The following MAML3 variants were observed in gnomAD, a reference collection of about 807,000 sequenced individuals.
MAML3 encodes mastermind-like protein 3.
A neutral mutation model predicts 101.9 loss-of-function variants in MAML3; 27 were observed. The observed-to-expected ratio is 0.27, with a 90% confidence interval of 0.20 to 0.37. The LOEUF (loss-of-function observed/expected upper bound fraction) is 0.37. Ranked by LOEUF, MAML3 falls within the 10% of genes least tolerant of loss-of-function variation. The pLI is 1.00. For missense variants in MAML3, 1,316 were observed against 1,444.9 expected, an observed-to-expected ratio of 0.91 and a Z score of 1.45; for synonymous variants, 501 against 555.9, an observed-to-expected ratio of 0.90 and a Z score of 1.39.
rs1302047765 is a variant in MAML3 at position 140,152,798 on chromosome 4, G to GCC, written c.468+60_468+61dup. 78 of 1,555,708 alleles carry GCC rather than the reference G, an allele frequency of 5.0e-5. 1 individual carries two copies. In the African/African-American group the frequency reaches 8.0e-4, roughly 16 times the overall value. On this transcript the variant is annotated intron_variant, in intron 1 of 4. Transcript: ENST00000509479. ...TACCCCCATGTAAGAAGCTCCACGCGCCCCCCACCACCACCACCACCCCCA... is the reference window on the plus strand; with the variant it reads ...TACCCCCATGTAAGAAGCTCCACGCGCCCCCCCCACCACCACCACCACCCCCA...
chr4:140,017,882 T>C (rs879854313), intron 1 of MAML3, among the ~76,000 whole-genome samples: 2 of 151,980 alleles, frequency 1.3e-5, no homozygotes, highest in African/African-American at 2.4e-5. Context: ...CCCTGGTTGA[T>C]AGACTGTATT....
rs10568513 is a variant in MAML3, at chr4:139,781,508, C to CATATATAT, written c.2080-50849_2080-50842dup. ...TCTTCTAATGATCGCAGAGCATTTT[C>CATATATAT]ATATATATATATATATATATATAGT... On this transcript the variant is annotated intron_variant, in intron 2 of 4. Transcript: ENST00000509479. 2.1e-4 allele frequency among the ~76,000 whole-genome samples: 29 copies of CATATATAT among 137,076 alleles called. 1 individual carries two copies. Among genetic ancestry groups the CATATATAT allele is most frequent in the South Asian group, 1.2e-3 (5 of 4,190 alleles). 89.9% of individuals were successfully genotyped at this position (137,076 alleles called of 152,430 possible).
At position 139,726,071 on chromosome 4, in the gene MAML3, A is replaced by G. The variant is rs138115111; in HGVS notation, c.2332-236T>C. 5.5e-3 allele frequency among the ~76,000 whole-genome samples: 837 copies of G among 152,310 alleles called. 4 individuals are homozygous for G. The highest frequency in any genetic ancestry group is 0.017 in the Middle Eastern group (5 of 294). On this transcript the variant is annotated intron_variant, in intron 3 of 4. Transcript: ENST00000509479. Reference sequence around the variant, plus strand: ...CATCAAGAAACAGAACGCTGCCAGGAGCCCCTCGTGCCCCTTCCAGTCATC... The same window carrying G: ...CATCAAGAAACAGAACGCTGCCAGGGGCCCCTCGTGCCCCTTCCAGTCATC...
At chr4:140,062,045 A>T (rs1275966307) in intron 1 of MAML3, among the ~76,000 whole-genome samples, 2 of 152,352 alleles carry the variant, frequency 1.3e-5, no homozygotes, top group Middle Eastern at 3.4e-3. Flanking sequence ...AAGTAGGAAC[A>T]GATACCTCCC....
At chr4:140,150,189 T>C (rs1436759188) in intron 1 of MAML3, among the ~76,000 whole-genome samples, 2 of 152,198 alleles carry the variant, frequency 1.3e-5, no homozygotes, top group East Asian at 3.8e-4. Context: ...TTCAAGTCTA[T>C]TTGTTGCTAA....
At chr4:139,960,000 G>A (rs1733983216) in intron 1 of MAML3, among the ~76,000 whole-genome samples, 1 of 152,158 alleles carries the variant, frequency 6.6e-6, no homozygotes, top group Admixed American at 6.5e-5. Flanking sequence ...GAAAAGCAGA[G>A]ACTATCATTT....
intron 2 of MAML3, among the ~76,000 whole-genome samples, chr4:139,786,492 T>C (rs949940197): frequency 2.6e-5 from 4 of 152,182 alleles, no homozygotes; most frequent in Admixed American, 6.5e-5. Flanking sequence ...TTGGGTTGTT[T>C]TCTGTTGGCT....
intron 1 of MAML3, among the ~76,000 whole-genome samples, chr4:140,077,574 G>C (rs1727791557): frequency 6.6e-6 from 1 of 152,206 alleles, no homozygotes. Flanking sequence ...TATCCTCAAA[G>C]TGGGGCTGAT....
At chr4:140,050,928 TATG>T (rs1475616705) in intron 1 of MAML3, among the ~76,000 whole-genome samples, 2 of 152,172 alleles carry the variant, frequency 1.3e-5, no homozygotes. Flanking sequence ...CAGGGAAAAA[TATG>T]ATATGAAGCA....
chr4:140,004,845 G>GT lies in MAML3; in HGVS notation c.469-113879dup, dbSNP rs938034148. Among the ~76,000 whole-genome samples, 1,246 of 148,572 alleles carry GT rather than the reference G, an allele frequency of 8.4e-3. 6 individuals are homozygous for GT. The highest frequency in any genetic ancestry group is 0.021 in the Middle Eastern group (6 of 288). On this transcript the variant is annotated intron_variant, in intron 1 of 4. Coordinates refer to ENST00000509479, the MANE Select transcript of MAML3 (RefSeq NM_018717.5). ...AAAGGAGGGCTACCGTTTTCCTTAG[G>GT]TTTTTTTTTTAACATAAGAAATAAC...
In MAML3 at chr4:139,903,941, C is replaced by T. The variant is rs1432234823; in HGVS notation, c.469-12974G>A. 3.3e-5 allele frequency among the ~76,000 whole-genome samples: 5 copies of T among 152,232 alleles called. No individual in the cohort carries two copies. In the East Asian group the frequency reaches 9.7e-4, roughly 29 times the overall value. ...AGGCAAAAGGGAACACTGTGTCCTC[C>T]CATGGTGAAAACACAGAAGAGCAAA... On this transcript the variant is annotated intron_variant, in intron 1 of 4. Coordinates refer to ENST00000509479, the MANE Select transcript of MAML3 (RefSeq NM_018717.5).
chr4:139,781,476 G>C (rs965191435), intron 2 of MAML3, among the ~76,000 whole-genome samples: 3 of 144,904 alleles, frequency 2.1e-5, no homozygotes, highest in African/African-American at 7.5e-5. Flanking sequence ...TGTTGTGGTA[G>C]GAGCTCTCTT....
chr4:140,109,103 T>G (rs1031440480), intron 1 of MAML3, among the ~76,000 whole-genome samples: 1 of 152,186 alleles, frequency 6.6e-6, no homozygotes, highest in African/African-American at 2.4e-5. Flanking sequence ...GTCTCAACAT[T>G]TGAAGGTTTC....
intron 1 of MAML3, among the ~76,000 whole-genome samples, chr4:140,023,206 A>C (rs988969304): frequency 6.6e-6 from 1 of 152,218 alleles, no homozygotes; most frequent in Non-Finnish European, 1.5e-5. Context: ...TCAAGTTCCT[A>C]TCTTATTTTC....
At chr4:139,777,447 T>A (rs1260365888) in intron 2 of MAML3, among the ~76,000 whole-genome samples, 1 of 152,226 alleles carries the variant, frequency 6.6e-6, no homozygotes, top group Non-Finnish European at 1.5e-5. Flanking sequence ...GTCCAAGCCA[T>A]CATCATCACT....
intron 1 of MAML3, among the ~76,000 whole-genome samples, chr4:139,912,606 T>C (rs977611286): frequency 6.6e-6 from 1 of 152,096 alleles, no homozygotes; most frequent in Non-Finnish European, 1.5e-5. Flanking sequence ...CATACTGGAG[T>C]AGAACAGGCA....
At chr4:140,048,013 C>T (rs1165081088) in intron 1 of MAML3, among the ~76,000 whole-genome samples, 1 of 152,052 alleles carries the variant, frequency 6.6e-6, no homozygotes, top group African/African-American at 2.4e-5. Flanking sequence ...TTAATCTGAC[C>T]CCACATACTT....
chr4:139,987,133 G>GT (rs1242034433), intron 1 of MAML3, among the ~76,000 whole-genome samples: 3 of 152,132 alleles, frequency 2.0e-5, no homozygotes, highest in Admixed American at 6.5e-5. Flanking sequence ...CTTTTTCTTC[G>GT]TGTTAAAAAG....
chr4:139,733,575 A>C (rs1391895550), intron 2 of MAML3, among the ~76,000 whole-genome samples: 8 of 139,304 alleles, frequency 5.7e-5, no homozygotes, highest in African/African-American at 1.9e-4. Flanking sequence ...AAAAAAAAAA[A>C]CCCTCCCAAA....
Sources: allele counts gnomAD v4.1 joint callset (sites outside exome capture counted in the v4.1 genomes callset), GRCh38; gene constraint gnomAD v4.1.1; transcripts MANE v1.5; gene names NCBI Gene and HGNC (gene_info 2026-07-23, HGNC 2026-07-21).